The following SHE variants were observed in gnomAD, a reference collection of about 807,000 sequenced individuals.
SHE encodes the protein SH2 domain-containing adapter protein E.
Under a neutral mutation model 49.8 loss-of-function variants are expected in SHE, and 11 were observed. That is an observed-to-expected ratio of 0.22 (90% CI 0.14 to 0.37). SHE has a LOEUF of 0.37. SHE is among the 10% of genes least tolerant of loss of function. The pLI, the probability that SHE is intolerant of heterozygous loss-of-function variation, is 1.00. For synonymous variants in SHE, 310 were observed against 278.1 expected, an observed-to-expected ratio of 1.11 and a Z score of -1.14; for missense variants, 624 against 655.5, an observed-to-expected ratio of 0.95 and a Z score of 0.52.
chr1:154,478,735 G>T (rs1415459767), downstream of SHE, among the ~76,000 whole-genome samples: 3 of 152,200 alleles, frequency 2.0e-5, no homozygotes, highest in Non-Finnish European at 2.9e-5. Context: ...GTAAACACGT[G>T]TTCAATCTGA....
chr1:154,485,737 C>A (rs1479410446), intron 5 of SHE: 3 of 520,764 alleles, frequency 5.8e-6, no homozygotes, highest in South Asian at 5.8e-5. Flanking sequence ...CCTTCATTAT[C>A]ATAATAGATA....
Position 154,484,056 on chromosome 1 carries a change from G to C in SHE, c.*93C>G. On this transcript the variant is annotated 3_prime_UTR_variant, in exon 6 of 6. Coordinates refer to ENST00000304760, the MANE Select transcript of SHE (RefSeq NM_001010846.3). ...CAAGGAAGACTCCCATTTTCTAGCA[G>C]TTGCTAGTCCAGCCTTGTCCTCTGA... 1 of 1,491,100 alleles carries C rather than the reference G, an allele frequency of 6.7e-7. No individual in the cohort carries two copies. Among genetic ancestry groups the C allele is most frequent in the Non-Finnish European group, 8.9e-7 (1 of 1,118,360 alleles). 92.4% of individuals were successfully genotyped at this position (1,491,100 alleles called of 1,614,324 possible).
chr1:154,481,287 C>T lies in SHE; in HGVS notation c.*2862G>A. 1 of 985,424 alleles carries T rather than the reference C, an allele frequency of 1.0e-6. No individual in the cohort carries two copies. The highest frequency in any genetic ancestry group is 4.7e-5 in the South Asian group (1 of 21,288). The allele number at this position is 985,424 out of a possible 1,614,324, so 61.0% of individuals were successfully genotyped here. Reference sequence around the variant, plus strand: ...ACAACCTCAAGAAGAAAATAGCTCACTAACGCCCCCACCTCTGACTTCCCA... The same window carrying T: ...ACAACCTCAAGAAGAAAATAGCTCATTAACGCCCCCACCTCTGACTTCCCA... On this transcript the variant is annotated 3_prime_UTR_variant, in exon 6 of 6. Transcript: ENST00000304760.
chr1:154,501,485 G>C lies in SHE; in HGVS notation c.542C>G (p.Ser181Cys), dbSNP rs138829106. 1 of 1,614,184 alleles carries C rather than the reference G, an allele frequency of 6.2e-7. No homozygotes were observed. The highest frequency in any genetic ancestry group is 1.7e-5 in the Admixed American group (1 of 60,028). The change falls in exon 1 of 6, where the codon TCC (serine) becomes TGC (cysteine). Residue 181 changes from serine to cysteine, a missense_variant. Transcript: ENST00000304760. ...GCCCTTGTCCAGCTCGGGCCCCAGG[G>C]AGGAAGGGGAAGAGGACGCGGAGGA... ...SSSSASSSPS[S>C]LGPELDKGKI... is the part of the protein sequence containing the mutation.
chr1:154,497,475 A>G (rs1017713899), intron 2 of SHE, among the ~76,000 whole-genome samples: 2 of 152,266 alleles, frequency 1.3e-5, no homozygotes, highest in African/African-American at 4.8e-5. Flanking sequence ...AAGTTCACAA[A>G]TAAATCTATA....
In SHE at chr1:154,489,132, G is replaced by C; in HGVS notation, c.943C>G (p.Pro315Ala). 6.2e-7 allele frequency: 1 copy of C among 1,613,776 alleles called. No individual in the cohort carries two copies. Among genetic ancestry groups the C allele is most frequent in the Non-Finnish European group, 8.5e-7 (1 of 1,179,828 alleles). ...GKARPPDSRL[P>A]ENDERPAAEY... ...GCCGCGGGCCTCTCGTCGTTCTCGG[G>C]CAGCCGGCTGTCTGGGGGCCGCGCC... The change falls in exon 3 of 6, where the codon CCC becomes GCC. Residue 315 changes from proline to alanine, a missense_variant. Transcript: ENST00000304760.
chr1:154,484,154 G>C lies in SHE; in HGVS notation c.1483C>G (p.His495Asp), dbSNP rs1692100422. Residue 495 changes from histidine to aspartate, a missense_variant, in exon 6 of 6, where the codon CAC becomes GAC. Around this residue, in one of 4 missense-constraint regions of SHE, gnomAD observed 125 missense variants for 181.7 expected, o/e 0.69. Coordinates refer to ENST00000304760, the MANE Select transcript of SHE (RefSeq NM_001010846.3). Reference sequence around the variant, plus strand: ...GGGCTTGCAGTGGCTGAATCTTAGTGAAGCTTGCTGTGCACTGGGTAGAGT... The same window carrying C: ...GGGCTTGCAGTGGCTGAATCTTAGTCAAGCTTGCTGTGCACTGGGTAGAGT... ...TLLYPVHSKL[H>D] The C allele has an allele frequency of 6.2e-7, 1 of 1,612,440 alleles. No homozygotes were observed. Among genetic ancestry groups the C allele is most frequent in the East Asian group, 2.2e-5 (1 of 44,830 alleles).
At chr1:154,490,921 G>A (rs1046861870) in intron 2 of SHE, among the ~76,000 whole-genome samples, 1 of 151,824 alleles carries the variant, frequency 6.6e-6, no homozygotes, top group Admixed American at 6.6e-5. Context: ...AAAATAGATG[G>A]AAAAAACCAT....
downstream of SHE, among the ~76,000 whole-genome samples, chr1:154,478,448 A>C (rs1031666403): frequency 1.4e-4 from 19 of 137,246 alleles, no homozygotes; most frequent in East Asian, 2.1e-3. Flanking sequence ...AAAAAAAAAA[A>C]CACTCTAGAG....
chr1:154,482,921 C>T lies in SHE; in HGVS notation c.*1228G>A, dbSNP rs1692060685. On this transcript the variant is annotated 3_prime_UTR_variant, in exon 6 of 6. Coordinates refer to ENST00000304760, the MANE Select transcript of SHE (RefSeq NM_001010846.3). ...GGTTGCATTTTTAAAAAATTTACTA[C>T]AAAGCAAATCTAATTTTAGAGACAA... 1.0e-6 allele frequency: 1 copy of T among 984,798 alleles called. No individual in the cohort carries two copies. The highest frequency in any genetic ancestry group is 1.2e-6 in the Non-Finnish European group (1 of 829,556). 61.0% of individuals were successfully genotyped at this position (984,798 alleles called of 1,614,324 possible).
In SHE at chr1:154,502,114, AGGGTG is replaced by A. The variant is rs1692802930; in HGVS notation, c.-93_-89del. On this transcript the variant is annotated 5_prime_UTR_variant, in exon 1 of 6. Transcript: ENST00000304760. Reference sequence around the variant, plus strand: ...CGGCCGGCCGTCGCCCACGCCCGGCAGGGTGGGGTTCTCACGGCTCGGGGCGCCGA... The same window carrying A: ...CGGCCGGCCGTCGCCCACGCCCGGCAGGGTTCTCACGGCTCGGGGCGCCGA... The A allele has an allele frequency of 9.2e-7, 1 of 1,082,814 alleles. No homozygotes were observed. Among genetic ancestry groups the A allele is most frequent in the Non-Finnish European group, 1.2e-6 (1 of 859,516 alleles). The allele number at this position is 1,082,814 out of a possible 1,614,324, so 67.1% of individuals were successfully genotyped here. A position where few individuals can be genotyped will look rare whatever the true frequency, so the allele number is the denominator to read the frequency against.
chr1:154,474,438 GT>G (rs1408280097), intron 1 of SHE, among the ~76,000 whole-genome samples: 1 of 152,170 alleles, frequency 6.6e-6, no homozygotes, highest in Non-Finnish European at 1.5e-5. Flanking sequence ...GAATGGTTTG[GT>G]TTTTTCCTGT....
chr1:154,489,148 G>A lies in SHE; in HGVS notation c.927C>T (p.Pro309=), dbSNP rs1440969810. ...CGTTCTCGGGCAGCCGGCTGTCTGGGGGCCGCGCCTTCCCCTCTGCCCTGG... is the reference window on the plus strand; with the variant it reads ...CGTTCTCGGGCAGCCGGCTGTCTGGAGGCCGCGCCTTCCCCTCTGCCCTGG... The part of the protein sequence containing the change: ...GGPRAEGKAR[P]PDSRLPENDE... The change falls in exon 3 of 6, where the codon CCC becomes CCT. Residue 309 remains proline, a synonymous_variant. Coordinates refer to ENST00000304760, the MANE Select transcript of SHE (RefSeq NM_001010846.3). 3.7e-6 allele frequency: 6 copies of A among 1,613,966 alleles called. No individual in the cohort carries two copies. The highest frequency in any genetic ancestry group is 5.1e-6 in the Non-Finnish European group (6 of 1,179,990).
Position 154,501,969 on chromosome 1 carries a change from C to A in SHE, c.58G>T (p.Ala20Ser), listed in dbSNP as rs907101218. 9 of 1,424,648 alleles carry A rather than the reference C, an allele frequency of 6.3e-6. No homozygotes were observed. The highest frequency in any genetic ancestry group is 8.2e-6 in the Non-Finnish European group (9 of 1,099,442). The allele number at this position is 1,424,648 out of a possible 1,614,324, so 88.3% of individuals were successfully genotyped here. ...SACLGWASSL[A>S]CSTAPTLLGR... The stretch of plus-strand genomic sequence containing the variant: ...AGGAGCGTCGGGGCCGTGGAGCAGG[C>A]GAGCGAGGAAGCCCAGCCCAGACAC... Residue 20 changes from alanine to serine, a missense_variant, in exon 1 of 6, where the codon GCC becomes TCC. Physicochemically the swap from Ala to Ser is moderately conservative, Grantham distance 99 (BLOSUM62 1). This residue lies in a region of SHE where 337 missense variants were observed against 306.0 expected (regional missense o/e 1.10). Coordinates refer to ENST00000304760, the MANE Select transcript of SHE (RefSeq NM_001010846.3).
Position 154,481,588 on chromosome 1 carries a change from T to C in SHE, c.*2561A>G. 3 of 985,366 alleles carry C rather than the reference T, an allele frequency of 3.0e-6. No individual in the cohort carries two copies. Among genetic ancestry groups the C allele is most frequent in the Non-Finnish European group, 3.6e-6 (3 of 829,856 alleles). 61.0% of individuals were successfully genotyped at this position (985,366 alleles called of 1,614,324 possible). On this transcript the variant is annotated 3_prime_UTR_variant, in exon 6 of 6. Transcript: ENST00000304760. Reference sequence around the variant, plus strand: ...TCATTTAGTGCACAAAGAAAAATTGTATAAAGCTTTTAGCATTTATTAAAA... The same window carrying C: ...TCATTTAGTGCACAAAGAAAAATTGCATAAAGCTTTTAGCATTTATTAAAA...
At chr1:154,498,124 C>G (rs546687789) in intron 2 of SHE, among the ~76,000 whole-genome samples, 2 of 152,062 alleles carry the variant, frequency 1.3e-5, no homozygotes, top group African/African-American at 4.8e-5. Context: ...CGGAGTTCCA[C>G]TCTTGTTGCC....
chr1:154,484,487 G>T, intron 5 of SHE, 152 bp from the exon 6 acceptor site: 1 of 628,328 alleles, frequency 1.6e-6, no homozygotes, highest in Non-Finnish European at 2.7e-6. Flanking sequence ...ACACTCTAGT[G>T]GTACTCTCAG....
intron 2 of SHE, among the ~76,000 whole-genome samples, chr1:154,490,275 AACAT>A (rs1391964409): frequency 4.6e-5 from 7 of 152,264 alleles, no homozygotes; most frequent in African/African-American, 1.4e-4. Flanking sequence ...CTCAGCAGCT[AACAT>A]TTATCGATGG....
At chr1:154,499,939 TGAG>T (rs1262683572) in intron 1 of SHE, among the ~76,000 whole-genome samples, 2 of 152,134 alleles carry the variant, frequency 1.3e-5, no homozygotes, top group African/African-American at 4.8e-5. Context: ...AGAAGGCACC[TGAG>T]GAGGTGGTGT....
Sources: allele counts gnomAD v4.1 joint callset (sites outside exome capture counted in the v4.1 genomes callset), GRCh38; gene constraint gnomAD v4.1.1; regional missense constraint gnomAD v4.1.1; transcripts MANE v1.5; gene names NCBI Gene and HGNC (gene_info 2026-07-23, HGNC 2026-07-21).